Variants in PCDHGB7 observed in about 807,000 individuals in gnomAD.
PCDHGB7 encodes protocadherin gamma subfamily B, 7, also known as protocadherin gamma-B7.
Under a neutral mutation model 61.4 loss-of-function variants are expected in PCDHGB7, and 37 were observed. That is an observed-to-expected ratio of 0.60 (90% CI 0.46 to 0.79). PCDHGB7 has a LOEUF of 0.79. PCDHGB7 is among the 30% of genes least tolerant of loss of function. PCDHGB7 has a pLI of 0.00. For missense variants in PCDHGB7, 1,166 were observed against 1,202.5 expected, an observed-to-expected ratio of 0.97 and a Z score of 0.45; for synonymous variants, 464 against 503.5, an observed-to-expected ratio of 0.92 and a Z score of 1.05.
In PCDHGB7 at chr5:141,505,363, T is replaced by C. The variant is rs751635403; in HGVS notation, c.2475-30T>C. 1.6e-5 allele frequency: 26 copies of C among 1,613,242 alleles called. No individual in the cohort carries two copies. In the Middle Eastern group the frequency reaches 9.9e-4, roughly 61 times the overall value. On this transcript the variant is annotated intron_variant, in intron 2 of 3. Transcript: ENST00000398594. ...GGCATGAGCTGTGCCGGCCTGGGAG[T>C]CTGTGCTCACCATCCTACTCTCTCC... is the stretch of plus-strand genomic sequence containing the variant.
In PCDHGB7 at chr5:141,463,518, G is replaced by A. The variant is rs537466389; in HGVS notation, c.2416-31289G>A. 5.7e-5 allele frequency among the ~76,000 whole-genome samples: 8 copies of A among 139,140 alleles called. No individual in the cohort carries two copies. The East Asian group carries it at 1.3e-3, about 22-fold the overall frequency. The allele number at this position is 139,140 out of a possible 152,430, so 91.3% of individuals were successfully genotyped here. On this transcript the variant is annotated intron_variant, in intron 1 of 3. Coordinates refer to ENST00000398594, the MANE Select transcript of PCDHGB7 (RefSeq NM_018927.4). The stretch of plus-strand genomic sequence containing the variant: ...GGCTGGAGTGACGTGGCGTGATCTC[G>A]GCTTACTAGAAACTCCGGCTCCCGG...
At chr5:141,464,657 T>G (rs575409062) in intron 1 of PCDHGB7, among the ~76,000 whole-genome samples, 1 of 152,312 alleles carries the variant, frequency 6.6e-6, no homozygotes, top group South Asian at 2.1e-4. Context: ...GGTAAAAAGA[T>G]ATCTCCAAAT....
chr5:141,468,648 C>G (rs60206946), intron 1 of PCDHGB7: 27,626 of 151,800 alleles, frequency 0.18, 2,687 homozygotes, highest in Admixed American at 0.28. Flanking sequence ...GGGCGGATCA[C>G]AAGGTCAGGA....
rs552812176 is a variant in PCDHGB7, at chr5:141,497,407, A to G, written c.2474+2542A>G. Among the ~76,000 whole-genome samples, 43 of 152,204 alleles carry G rather than the reference A, an allele frequency of 2.8e-4. No individual in the cohort carries two copies. In the Middle Eastern group the frequency reaches 0.01, roughly 36 times the overall value. The stretch of plus-strand genomic sequence containing the variant: ...GCACCTTACCCCTGCCTCAACTCCC[A>G]TTCCATCAAATGAGAGGCTTAGTGG... On this transcript the variant is annotated intron_variant, in intron 2 of 3. Coordinates refer to ENST00000398594, the MANE Select transcript of PCDHGB7 (RefSeq NM_018927.4).
chr5:141,423,260 G>A (rs1402237346), intron 1 of PCDHGB7: 2 of 1,613,996 alleles, frequency 1.2e-6, no homozygotes, highest in South Asian at 1.1e-5. Flanking sequence ...GACCTCGGCA[G>A]CCTCGAGTCT....
intron 1 of PCDHGB7, among the ~76,000 whole-genome samples, chr5:141,464,264 AAAAAAAAAAAAAAGC>A (rs974197911): frequency 4.0e-4 from 52 of 130,598 alleles, no homozygotes; most frequent in Non-Finnish European, 6.3e-4. Context: ...GACTCCGTCT[AAAAAAAAAAAAAAGC>A]AAAAAAAAAA....
chr5:141,476,741 A>G lies in PCDHGB7; in HGVS notation c.2416-18066A>G, dbSNP rs1430298222. On this transcript the variant is annotated intron_variant, in intron 1 of 3. Transcript: ENST00000398594. The surrounding 1 kb of genome is among the most constrained non-coding windows in gnomAD (Gnocchi z 7.6). ...CGCCCTGGACCGAGAACGGGAGCCT[A>G]GTCTCCAGTTAGTGCTGACGGCGTT... The G allele has an allele frequency of 6.2e-7, 1 of 1,613,936 alleles. No individual in the cohort carries two copies. Among genetic ancestry groups the G allele is most frequent in the Non-Finnish European group, 8.5e-7 (1 of 1,180,032 alleles).
chr5:141,482,588 C>T (rs559327092), intron 1 of PCDHGB7, among the ~76,000 whole-genome samples: 3 of 147,192 alleles, frequency 2.0e-5, no homozygotes, highest in Admixed American at 6.8e-5. Context: ...GCAGTGGGAC[C>T]AAACGGGAAA....
In PCDHGB7 at chr5:141,432,645, C is replaced by A. The variant is rs758701539; in HGVS notation, c.2415+12371C>A. ...CTGCACACGGGCGAGGTGCGCACGG[C>A]GCGAGCCCTGCTGGACAGAGACGCG... On this transcript the variant is annotated intron_variant, in intron 1 of 3. Coordinates refer to ENST00000398594, the MANE Select transcript of PCDHGB7 (RefSeq NM_018927.4). This position sits in a 1 kb window ranked among gnomAD's most constrained non-coding sequence, Gnocchi z 6.0. The A allele has an allele frequency of 1.2e-5, 20 of 1,613,628 alleles. No individual in the cohort carries two copies. The highest frequency in any genetic ancestry group is 1.6e-4 in the Middle Eastern group (1 of 6,066).
chr5:141,442,051 C>G (rs1384937090), intron 1 of PCDHGB7: 1 of 197,158 alleles, frequency 5.1e-6, no homozygotes, highest in East Asian at 1.8e-4. Context: ...CTACTGGTCG[C>G]GGTGCACTGC....
In PCDHGB7 at chr5:141,419,918, G is replaced by C. The variant is rs370039875; in HGVS notation, c.2059G>C (p.Glu687Gln). The C allele has an allele frequency of 1.9e-5, 30 of 1,613,978 alleles. No individual in the cohort carries two copies. Among genetic ancestry groups the C allele is most frequent in the Non-Finnish European group, 2.5e-5 (29 of 1,179,914 alleles). The stretch of plus-strand genomic sequence containing the variant: ...TCCCACACCCTCTGACTCCCAGGCT[G>C]AGATGCAGTTTTACCTGGTGGTGGC... ...DHPTPSDSQA[E>Q]MQFYLVVALA... Residue 687 changes from glutamate to glutamine, a missense_variant, in exon 1 of 4, where the codon GAG becomes CAG. Physicochemically the swap from Glu to Gln is conservative, Grantham distance 29. Transcript: ENST00000398594.
At chr5:141,509,327 G>A (rs2099876237) in intron 3 of PCDHGB7, among the ~76,000 whole-genome samples, 1 of 152,188 alleles carries the variant, frequency 6.6e-6, no homozygotes, top group African/African-American at 2.4e-5. Flanking sequence ...AAGCTCTACT[G>A]CCAGCTGGGC....
chr5:141,431,194 T>C lies in PCDHGB7; in HGVS notation c.2415+10920T>C. On this transcript the variant is annotated intron_variant, in intron 1 of 3. Coordinates refer to ENST00000398594, the MANE Select transcript of PCDHGB7 (RefSeq NM_018927.4). The surrounding 1 kb of genome is among the most constrained non-coding windows in gnomAD (Gnocchi z 4.8). ...AATTAGAAATAAAAATTAGTGAAAA[T>C]GCAGCCACTGAGATGCGGTTCCCTC... The C allele has an allele frequency of 6.2e-7, 1 of 1,614,124 alleles. No homozygotes were observed.
chr5:141,421,879 G>T (rs1458461652), intron 1 of PCDHGB7: 1 of 1,613,746 alleles, frequency 6.2e-7, no homozygotes, highest in Non-Finnish European at 8.5e-7. Context: ...AGCTTTAGAT[G>T]GAGGCGATCC....
chr5:141,478,599 T>A, intron 1 of PCDHGB7: 1 of 1,565,814 alleles, frequency 6.4e-7, no homozygotes, highest in Non-Finnish European at 8.7e-7. Flanking sequence ...TATTCCTACA[T>A]CATATTGAGG....
In PCDHGB7 at chr5:141,432,452, C is replaced by T. The variant is rs780149710; in HGVS notation, c.2415+12178C>T. 3.7e-6 allele frequency: 6 copies of T among 1,614,094 alleles called. No homozygotes were observed. The highest frequency in any genetic ancestry group is 1.6e-4 in the Middle Eastern group (1 of 6,082). On this transcript the variant is annotated intron_variant, in intron 1 of 3. Coordinates refer to ENST00000398594, the MANE Select transcript of PCDHGB7 (RefSeq NM_018927.4). The surrounding 1 kb of genome is among the most constrained non-coding windows in gnomAD (Gnocchi z 6.0). ...CGACAATGCGCCCGAGATCCTGTACCCCGCCCTCCCCACGGACGGTTCCAC... is the reference window on the plus strand; with the variant it reads ...CGACAATGCGCCCGAGATCCTGTACTCCGCCCTCCCCACGGACGGTTCCAC...
rs372043756 is a variant in PCDHGB7 at position 141,476,212 on chromosome 5, C to G, written c.2416-18595C>G. ...GTGCCTTGAACAAGGCTTCCACGGT[C>G]ATTCACTATGAGATCCCGGAGGAAA... On this transcript the variant is annotated intron_variant, in intron 1 of 3. Coordinates refer to ENST00000398594, the MANE Select transcript of PCDHGB7 (RefSeq NM_018927.4). The surrounding 1 kb of genome is among the most constrained non-coding windows in gnomAD (Gnocchi z 7.6). 6 of 1,613,932 alleles carry G rather than the reference C, an allele frequency of 3.7e-6. No individual in the cohort carries two copies. The highest frequency in any genetic ancestry group is 5.1e-6 in the Non-Finnish European group (6 of 1,180,012).
At chr5:141,428,020 C>T (rs1443722620) in intron 1 of PCDHGB7, 1 of 1,605,408 alleles carries the variant, frequency 6.2e-7, no homozygotes, top group Admixed American at 1.7e-5. Context: ...GTGCCACGCG[C>T]CGCAGAGTCC....
chr5:141,482,109 C>G (rs972542276), intron 1 of PCDHGB7, among the ~76,000 whole-genome samples: 2 of 149,582 alleles, frequency 1.3e-5, no homozygotes, highest in African/African-American at 2.5e-5. Context: ...AAAAAAATAT[C>G]TAGAGATGGG....
Sources: allele counts gnomAD v4.1 joint callset (sites outside exome capture counted in the v4.1 genomes callset), GRCh38; gene constraint gnomAD v4.1.1; non-coding constraint Gnocchi (gnomAD v3.1); transcripts MANE v1.5; gene names NCBI Gene and HGNC (gene_info 2026-07-23, HGNC 2026-07-21).